Variants in MCTP1 observed in about 807,000 individuals in gnomAD.
The protein encoded by MCTP1 is multiple C2 and transmembrane domain containing 1.
MCTP1 carries 69 observed loss-of-function variants against 120.6 expected under a neutral mutation model. The observed-to-expected ratio is 0.57, with a 90% CI of 0.47 to 0.70. The LOEUF is 0.70. Ranked by LOEUF, MCTP1 falls within the 30% of genes least tolerant of loss-of-function variation. The probability of loss-of-function intolerance (pLI) is 0.00; values close to 1 mark genes in which losing one functional copy is unlikely to be tolerated. For missense variants in MCTP1, 1,203 were observed against 1,248.8 expected (o/e 0.96, Z 0.55); for synonymous variants, 529 against 493.1 (o/e 1.07, Z -0.96).
chr5:94,900,526 A>G (rs1188346720), intron 10 of MCTP1, among the ~76,000 whole-genome samples: 2 of 152,174 alleles, frequency 1.3e-5, no homozygotes, highest in Non-Finnish European at 2.9e-5. Context: ...CTTCTCCCCA[A>G]TACTCATTTC....
chr5:95,077,785 T>C (rs777639953), intron 1 of MCTP1, among the ~76,000 whole-genome samples: 2 of 152,178 alleles, frequency 1.3e-5, no homozygotes, highest in Non-Finnish European at 2.9e-5. Context: ...TCGTTATATA[T>C]AATTTTAAAA....
chr5:94,847,903 C>T (rs533863843), intron 17 of MCTP1, among the ~76,000 whole-genome samples: 1 of 152,092 alleles, frequency 6.6e-6, no homozygotes. Flanking sequence ...TGCTCAAGCA[C>T]CTGTTTTCCA....
At chr5:95,281,321 C>A (rs1474510915) in intron 1 of MCTP1, among the ~76,000 whole-genome samples, 1 of 152,194 alleles carries the variant, frequency 6.6e-6, no homozygotes, top group East Asian at 1.9e-4. Flanking sequence ...CTGAATGCAT[C>A]CCCTTCCAGG....
At chr5:94,905,078 A>T (rs926074462) in intron 10 of MCTP1, among the ~76,000 whole-genome samples, 1 of 152,190 alleles carries the variant, frequency 6.6e-6, no homozygotes, top group African/African-American at 2.4e-5. Context: ...CTCCCTGATG[A>T]GACATTGGTG....
At chr5:94,963,796 A>G (rs1286701297) in intron 2 of MCTP1, among the ~76,000 whole-genome samples, 1 of 151,988 alleles carries the variant, frequency 6.6e-6, no homozygotes, top group Non-Finnish European at 1.5e-5. Context: ...TTCCTTTGCT[A>G]CACAAAAGCT....
At position 94,869,279 on chromosome 5, in the gene MCTP1, T is replaced by G. The variant is rs539639383; in HGVS notation, c.2317-827A>C. Among the ~76,000 whole-genome samples, 80 of 152,144 alleles carry G rather than the reference T, an allele frequency of 5.3e-4. 1 individual carries two copies. Among genetic ancestry groups the G allele is most frequent in the African/African-American group, 1.9e-3 (80 of 41,550 alleles). ...TAACATTTTGCTACTCCCAATATAC[T>G]TCAACGCTGATCTGATATTTTAAGG... On this transcript the variant is annotated intron_variant, in intron 16 of 22. Transcript: ENST00000515393.
chr5:94,873,802 A>G (rs1409656525), intron 12 of MCTP1, among the ~76,000 whole-genome samples: 1 of 151,916 alleles, frequency 6.6e-6, no homozygotes, highest in Non-Finnish European at 1.5e-5. Flanking sequence ...GGTAAATTAG[A>G]CCCTCTGAGG....
At chr5:94,867,403 A>C (rs1797030533) in intron 17 of MCTP1, 21 of 1,350,568 alleles carry the variant, frequency 1.6e-5, no homozygotes, top group South Asian at 2.5e-5. Context: ...GACAGAGCTC[A>C]AAGTACTAAA....
At chr5:95,044,595 T>C (rs2151934613) in intron 1 of MCTP1, among the ~76,000 whole-genome samples, 1 of 152,220 alleles carries the variant, frequency 6.6e-6, no homozygotes, top group South Asian at 2.1e-4. Context: ...ATTCAACATG[T>C]CCAGATCTAA....
intron 17 of MCTP1, among the ~76,000 whole-genome samples, chr5:94,815,826 T>C (rs1413250575): frequency 6.6e-6 from 1 of 152,154 alleles, no homozygotes. Flanking sequence ...TCATTGTCAA[T>C]TAGAGCAATG....
intron 18 of MCTP1, among the ~76,000 whole-genome samples, chr5:94,787,425 G>T (rs1187810761): frequency 6.6e-6 from 1 of 152,060 alleles, no homozygotes; most frequent in East Asian, 1.9e-4. Flanking sequence ...CTGTGGCAAT[G>T]CTATTATCTT....
intron 1 of MCTP1, among the ~76,000 whole-genome samples, chr5:95,139,334 G>C (rs1759714684): frequency 6.6e-6 from 1 of 152,238 alleles, no homozygotes; most frequent in South Asian, 2.1e-4. Context: ...AACAGGGTTA[G>C]AGATTTACAG....
chr5:95,077,314 A>G (rs1398304827), intron 1 of MCTP1, among the ~76,000 whole-genome samples: 1 of 152,142 alleles, frequency 6.6e-6, no homozygotes, highest in African/African-American at 2.4e-5. Flanking sequence ...AATTCTCATT[A>G]ATTTAGGTGT....
chr5:95,183,995 C>T (rs772632011), intron 1 of MCTP1, among the ~76,000 whole-genome samples: 1 of 148,804 alleles, frequency 6.7e-6, no homozygotes, highest in Non-Finnish European at 1.5e-5. Context: ...CATCACACAC[C>T]GGGGCCTGTT....
chr5:94,924,001 C>G lies in MCTP1; in HGVS notation c.1233G>C (p.Val411=), dbSNP rs761118772. 6.1e-5 allele frequency: 92 copies of G among 1,510,850 alleles called. No homozygotes were observed. The highest frequency in any genetic ancestry group is 3.7e-4 in the South Asian group (27 of 72,950). 93.6% of individuals were successfully genotyped at this position (1,510,850 alleles called of 1,614,324 possible). ...RSSKELSENE[V]VGSYFSVKSL... ...ACTTCACAGAGAAATAAGATCCAACCACTTCATTTTCTGAAAGTTCCTAGA... is the reference window on the plus strand; with the variant it reads ...ACTTCACAGAGAAATAAGATCCAACGACTTCATTTTCTGAAAGTTCCTAGA... The change falls in exon 7 of 23, where the codon GTG becomes GTC. Residue 411 remains valine (V), a synonymous_variant. Transcript: ENST00000515393.
chr5:95,236,965 G>A (rs560427838), intron 1 of MCTP1, among the ~76,000 whole-genome samples: 8 of 152,226 alleles, frequency 5.3e-5, no homozygotes, highest in African/African-American at 1.9e-4. Flanking sequence ...TCTTATTTAA[G>A]CCATTTTTAG....
chr5:95,112,845 G>C (rs1757558152), intron 1 of MCTP1, among the ~76,000 whole-genome samples: 1 of 152,092 alleles, frequency 6.6e-6, no homozygotes, highest in Non-Finnish European at 1.5e-5. Flanking sequence ...GTAACACAAG[G>C]AAAATGAAAG....
At chr5:95,163,022 TTATTAA>T (rs758421146) in intron 1 of MCTP1, among the ~76,000 whole-genome samples, 40 of 152,188 alleles carry the variant, frequency 2.6e-4, no homozygotes, top group Non-Finnish European at 4.7e-4. Context: ...CATTTTAATT[TTATTAA>T]TATTAACTTA....
chr5:94,983,544 GC>G (rs1444278863), intron 2 of MCTP1, among the ~76,000 whole-genome samples: 2 of 152,040 alleles, frequency 1.3e-5, no homozygotes, highest in Non-Finnish European at 2.9e-5. Flanking sequence ...GGTGGCTCAT[GC>G]CTGTAATCCT....
Sources: gnomAD v4.1 joint callset for allele counts (sites outside exome capture counted in the v4.1 genomes callset) on GRCh38, gnomAD v4.1.1 for gene constraint, MANE v1.5 for transcripts, NCBI Gene and HGNC (gene_info 2026-07-23, HGNC 2026-07-21) for gene names.